LRRC4C: variants seen among roughly 807,000 people sequenced by gnomAD.
LRRC4C encodes the protein leucine-rich repeat-containing protein 4C.
In LRRC4C, 5 loss-of-function variants were observed where a neutral mutation model predicts 33.6. The ratio of observed to expected loss-of-function variants is 0.15; its 90% CI spans 0.08 to 0.31. The LOEUF (loss-of-function observed/expected upper bound fraction) is 0.31. Ranked by LOEUF, LRRC4C falls within the 10% of genes least tolerant of loss-of-function variation. The pLI, the probability that LRRC4C is intolerant of heterozygous loss-of-function variation, is 1.00. For missense variants in LRRC4C, 560 were observed against 796.7 expected, an observed-to-expected ratio of 0.70 and a Z score of 3.58; for synonymous variants, 329 against 302.0, an observed-to-expected ratio of 1.09 and a Z score of -0.93.
At chr11:41,275,629 A>G (rs1387881468) in intron 1 of LRRC4C, among the ~76,000 whole-genome samples, 1 of 152,350 alleles carries the variant, frequency 6.6e-6, no homozygotes, top group African/African-American at 2.4e-5. Context: ...CTACAGTTCC[A>G]ATGTTAGAAA....
At chr11:40,683,023 A>T (rs1944775247) in intron 2 of LRRC4C, among the ~76,000 whole-genome samples, 1 of 152,162 alleles carries the variant, frequency 6.6e-6, no homozygotes, top group Non-Finnish European at 1.5e-5. Flanking sequence ...CAAAAGAAAT[A>T]AAGAAACGGT....
chr11:40,985,889 G>C (rs1852954645), intron 1 of LRRC4C, among the ~76,000 whole-genome samples: 2 of 152,014 alleles, frequency 1.3e-5, no homozygotes, highest in African/African-American at 2.4e-5. Flanking sequence ...CTGTGCTGTT[G>C]TTAAGAGTCA....
chr11:40,850,159 G>GT (rs955773046), intron 2 of LRRC4C, among the ~76,000 whole-genome samples: 20 of 150,884 alleles, frequency 1.3e-4, no homozygotes, highest in South Asian at 2.1e-4. Flanking sequence ...TCTCCATCCA[G>GT]TTTTTTTTTC....
chr11:41,253,061 G>A (rs370839967), intron 1 of LRRC4C, among the ~76,000 whole-genome samples: 241 of 152,216 alleles, frequency 1.6e-3, no homozygotes, highest in African/African-American at 5.7e-3. Context: ...GAGTCAAGAC[G>A]ATCATTCACA....
At chr11:40,190,626 C>T (rs180708940) in intron 5 of LRRC4C, among the ~76,000 whole-genome samples, 6 of 152,106 alleles carry the variant, frequency 3.9e-5, no homozygotes, top group African/African-American at 7.2e-5. Context: ...GCTTTGAACA[C>T]GAATTTTAAT....
rs1945919886 is a variant in LRRC4C at position 41,190,995 on chromosome 11, C to T, written c.-495-257272G>A. On this transcript the variant is annotated intron_variant, in intron 1 of 6. Coordinates refer to ENST00000528697, the MANE Select transcript of LRRC4C (RefSeq NM_001258419.2). ...GTGTGATAGCATCAGCTGGCCTTGG[C>T]TCATCTGTATTTCTAATTGATTACA... 2.0e-5 allele frequency among the ~76,000 whole-genome samples: 3 copies of T among 152,270 alleles called. No homozygotes were observed. In the South Asian group the frequency reaches 6.2e-4, roughly 32 times the overall value.
At chr11:40,951,131 T>C (rs1565234799) in intron 1 of LRRC4C, among the ~76,000 whole-genome samples, 1 of 151,974 alleles carries the variant, frequency 6.6e-6, no homozygotes, top group Non-Finnish European at 1.5e-5. Context: ...AAATATATAA[T>C]AAAATCTGGA....
At chr11:40,945,493 G>A (rs1192401177) in intron 1 of LRRC4C, among the ~76,000 whole-genome samples, 5 of 152,006 alleles carry the variant, frequency 3.3e-5, no homozygotes, top group African/African-American at 7.2e-5. Flanking sequence ...TATAATGAGC[G>A]TTTGAACACA....
chr11:40,945,527 T>G (rs548053291), intron 1 of LRRC4C, among the ~76,000 whole-genome samples: 1 of 152,280 alleles, frequency 6.6e-6, no homozygotes, highest in Non-Finnish European at 1.5e-5. Context: ...ATATGTAGTA[T>G]CCATTGGAGT....
At chr11:40,210,194 G>C (rs989474354) in intron 5 of LRRC4C, among the ~76,000 whole-genome samples, 1 of 151,902 alleles carries the variant, frequency 6.6e-6, no homozygotes, top group Admixed American at 6.6e-5. Context: ...CATGAACCCA[G>C]GAGGCGGAGC....
intron 2 of LRRC4C, among the ~76,000 whole-genome samples, chr11:40,926,216 A>T (rs1957401201): frequency 6.6e-6 from 1 of 152,156 alleles, no homozygotes; most frequent in South Asian, 2.1e-4. Flanking sequence ...GCAGGCAGCA[A>T]TGCCTACTAG....
At position 41,106,247 on chromosome 11, in the gene LRRC4C, T is replaced by TTG. The variant is rs60022182; in HGVS notation, c.-495-172526_-495-172525dup. 3.3e-3 allele frequency among the ~76,000 whole-genome samples: 488 copies of TTG among 149,780 alleles called. 1 individual carries two copies. Among genetic ancestry groups the TTG allele is most frequent in the African/African-American group, 9.8e-3 (402 of 41,032 alleles). ...TGACTTGTATTATCTGTCTGCGCAT[T>TTG]TGTGTGTGTGTGTGTGTGTAGAAAA... On this transcript the variant is annotated intron_variant, in intron 1 of 6. Transcript: ENST00000528697.
intron 1 of LRRC4C, among the ~76,000 whole-genome samples, chr11:41,438,596 G>T (rs1955516464): frequency 6.6e-6 from 1 of 152,112 alleles, no homozygotes; most frequent in Non-Finnish European, 1.5e-5. Context: ...GAATATTGAT[G>T]CTGAAGCACT....
At chr11:40,545,083 C>T (rs1434309484) in intron 3 of LRRC4C, among the ~76,000 whole-genome samples, 1 of 151,912 alleles carries the variant, frequency 6.6e-6, no homozygotes, top group Admixed American at 6.6e-5. Flanking sequence ...TCAAATAGCA[C>T]CTTGTCTCTG....
intron 1 of LRRC4C, among the ~76,000 whole-genome samples, chr11:41,272,281 A>G (rs1591121904): frequency 6.6e-6 from 1 of 152,256 alleles, no homozygotes; most frequent in East Asian, 1.9e-4. Context: ...GGATCCAGCC[A>G]GTTTGCTCAA....
chr11:40,353,792 T>C (rs767655295), intron 3 of LRRC4C, among the ~76,000 whole-genome samples: 4 of 152,236 alleles, frequency 2.6e-5, no homozygotes, highest in Non-Finnish European at 5.9e-5. Flanking sequence ...TCCAATTTTA[T>C]TGTGCTTCCT....
At chr11:40,739,846 G>T (rs1054477576) in intron 2 of LRRC4C, among the ~76,000 whole-genome samples, 1 of 151,836 alleles carries the variant, frequency 6.6e-6, no homozygotes, top group Non-Finnish European at 1.5e-5. Flanking sequence ...TTTTCTTTAT[G>T]GATTACCCAG....
At chr11:40,751,960 A>C (rs1427945872) in intron 2 of LRRC4C, among the ~76,000 whole-genome samples, 1 of 152,150 alleles carries the variant, frequency 6.6e-6, no homozygotes, top group Non-Finnish European at 1.5e-5. Context: ...ATTTATAGCC[A>C]ATTGATTTTT....
intron 1 of LRRC4C, among the ~76,000 whole-genome samples, chr11:41,197,731 A>G (rs796967072): frequency 1.3e-5 from 2 of 152,040 alleles, no homozygotes; most frequent in African/African-American, 4.8e-5. Context: ...TACTTCTCTC[A>G]AGATTTATTC....
Sources: allele counts gnomAD v4.1 joint callset (sites outside exome capture counted in the v4.1 genomes callset), GRCh38; gene constraint gnomAD v4.1.1; transcripts MANE v1.5; gene names NCBI Gene and HGNC (gene_info 2026-07-23, HGNC 2026-07-21).